The following TREML2 variants were observed in gnomAD, a reference collection of about 807,000 sequenced individuals.
The protein encoded by TREML2 is triggering receptor expressed on myeloid cells like 2.
In TREML2, 24 loss-of-function variants were observed where a neutral mutation model predicts 25.9. The observed-to-expected ratio is 0.93, with a 90% CI of 0.67 to 1.30. The LOEUF is 1.30. TREML2 is among the 50% of genes most tolerant of loss of function. The pLI is 0.00. For missense variants in TREML2, 359 were observed against 395.6 expected, an observed-to-expected ratio of 0.91 and a Z score of 0.78; for synonymous variants, 139 against 155.2, an observed-to-expected ratio of 0.90 and a Z score of 0.77.
chr6:41,196,409 G>T (rs1274231363), intron 2 of TREML2, among the ~76,000 whole-genome samples: 2 of 152,154 alleles, frequency 1.3e-5, no homozygotes, highest in Non-Finnish European at 2.9e-5. Flanking sequence ...ATAACTGGCT[G>T]CCTTTTCCGG....
intron 1 of TREML2, among the ~76,000 whole-genome samples, chr6:41,198,709 G>A (rs1221505310): frequency 6.6e-6 from 1 of 152,184 alleles, no homozygotes; most frequent in East Asian, 1.9e-4. Flanking sequence ...ATATCCCTCA[G>A]TGAGTCCCCA....
chr6:41,192,737 A>G (rs761600074), intron 4 of TREML2, 64 bp downstream of exon 4: 20 of 1,468,228 alleles, frequency 1.4e-5, no homozygotes, highest in Non-Finnish European at 1.7e-5. Context: ...ACTCGAGGTC[A>G]TAACCCTTAG....
At position 41,201,081 on chromosome 6, in the gene TREML2, C is replaced by T. The variant is rs780383312; in HGVS notation, c.-73G>A. Reference sequence around the variant, plus strand: ...GCCCACCCGACACAGGATGTGCCACCTGGGCCTGCCAGGGAAGGACCCGGG... The same window carrying T: ...GCCCACCCGACACAGGATGTGCCACTTGGGCCTGCCAGGGAAGGACCCGGG... On this transcript the variant is annotated 5_prime_UTR_variant, in exon 1 of 5. Coordinates refer to ENST00000483722, the MANE Select transcript of TREML2 (RefSeq NM_024807.4). 11 of 1,570,746 alleles carry T rather than the reference C, an allele frequency of 7.0e-6. No individual in the cohort carries two copies. In the African/African-American group the frequency reaches 1.5e-4, roughly 21 times the overall value.
chr6:41,193,494 C>G (rs976736212), intron 3 of TREML2, among the ~76,000 whole-genome samples: 1 of 152,030 alleles, frequency 6.6e-6, no homozygotes, highest in Admixed American at 6.6e-5. Flanking sequence ...TCTGACTCTC[C>G]CCGTTGGGAT....
In TREML2 at chr6:41,190,735, C is replaced by A. The variant is rs1218870874; in HGVS notation, c.*1692G>T. 6 of 152,174 alleles carry A rather than the reference C, an allele frequency of 3.9e-5. No homozygotes were observed. Among genetic ancestry groups the A allele is most frequent in the Admixed American group, 3.9e-4 (6 of 15,276 alleles). The allele number at this position is 152,174 out of a possible 1,614,324, so 9.4% of individuals were successfully genotyped here. On this transcript the variant is annotated 3_prime_UTR_variant, in exon 5 of 5. Transcript: ENST00000483722. ...GTGCCAGCTCTTGGGGAGCTATTTT[C>A]CCCCAGGTGGGTTAAGTTCTCTCCT...
chr6:41,200,552 G>A (rs966768829), intron 1 of TREML2, among the ~76,000 whole-genome samples: 3 of 152,252 alleles, frequency 2.0e-5, no homozygotes, highest in Admixed American at 1.3e-4. Flanking sequence ...GGGACAGGAT[G>A]TGGCATCAGC....
chr6:41,196,010 G>A (rs759295203), intron 2 of TREML2, among the ~76,000 whole-genome samples: 121 of 152,248 alleles, frequency 7.9e-4, no homozygotes, highest in Non-Finnish European at 1.4e-3. Context: ...TGGTCTTCAG[G>A]GGGCAGTGGA....
At chr6:41,196,190 G>A (rs899749932) in intron 2 of TREML2, among the ~76,000 whole-genome samples, 5 of 152,172 alleles carry the variant, frequency 3.3e-5, no homozygotes, top group African/African-American at 1.2e-4. Context: ...AAAAATAAAA[G>A]CATATAATGT....
intron 1 of TREML2, among the ~76,000 whole-genome samples, chr6:41,199,823 G>T (rs567987263): frequency 2.0e-5 from 3 of 152,194 alleles, no homozygotes; most frequent in Non-Finnish European, 2.9e-5. Context: ...GTGTGATTAG[G>T]TCACCTGTTT....
At position 41,201,085 on chromosome 6, in the gene TREML2, G is replaced by T; in HGVS notation, c.-77C>A. 6.4e-7 allele frequency: 1 copy of T among 1,555,474 alleles called. No homozygotes were observed. The highest frequency in any genetic ancestry group is 1.1e-5 in the South Asian group (1 of 89,620). On this transcript the variant is annotated 5_prime_UTR_variant, in exon 1 of 5. Transcript: ENST00000483722. ...ACCCGACACAGGATGTGCCACCTGG[G>T]CCTGCCAGGGAAGGACCCGGGGTTC...
At chr6:41,200,417 C>A (rs1042874863) in intron 1 of TREML2, among the ~76,000 whole-genome samples, 5 of 152,110 alleles carry the variant, frequency 3.3e-5, no homozygotes, top group African/African-American at 9.7e-5. Context: ...CAGAACTGAA[C>A]AGGAAGTGGT....
rs11271583 is a variant in TREML2 at position 41,190,851 on chromosome 6, GTGTCTGTCTGTC to G, written c.*1564_*1575del. The G allele has an allele frequency of 0.3, 44,810 of 151,266 alleles. 6,957 individuals are homozygous for G. The highest frequency in any genetic ancestry group is 0.37 in the Admixed American group (5,626 of 15,208). The allele number at this position is 151,266 out of a possible 1,614,324, so 9.4% of individuals were successfully genotyped here. A position where few individuals can be genotyped will look rare whatever the true frequency, so the allele number is the denominator to read the frequency against. ...GCTAGACAGAGATGGGTGTGTGTGC[GTGTCTGTCTGTC>G]TGTCTGTCTGTCTGTCTGTCTGTCT... On this transcript the variant is annotated 3_prime_UTR_variant, in exon 5 of 5. Coordinates refer to ENST00000483722, the MANE Select transcript of TREML2 (RefSeq NM_024807.4).
intron 1 of TREML2, among the ~76,000 whole-genome samples, chr6:41,198,845 T>TTTTTGTTTTG (rs140165117): frequency 8.6e-5 from 13 of 150,682 alleles, no homozygotes; most frequent in South Asian, 2.1e-4. Context: ...AGGGAATTCA[T>TTTTTGTTTTG]TTTTGTTTTG....
At chr6:41,196,972 C>T (rs1055240255) in intron 2 of TREML2, among the ~76,000 whole-genome samples, 12 of 152,220 alleles carry the variant, frequency 7.9e-5, no homozygotes. Flanking sequence ...TTACCCTACG[C>T]TATCAATGGT....
chr6:41,192,417 T>C lies in TREML2; in HGVS notation c.*10A>G. ...CTGGGAGAAGCTCCCCACCCCATGC[T>C]TAAGTGGCCTCAGATCAAGTAGACT... On this transcript the variant is annotated 3_prime_UTR_variant, in exon 5 of 5. Transcript: ENST00000483722. The C allele has an allele frequency of 6.2e-7, 1 of 1,612,890 alleles. No individual in the cohort carries two copies. The highest frequency in any genetic ancestry group is 8.5e-7 in the Non-Finnish European group (1 of 1,179,156).
chr6:41,198,363 C>G lies in TREML2; in HGVS notation c.122G>C (p.Cys41Ser). 1 of 1,614,236 alleles carries G rather than the reference C, an allele frequency of 6.2e-7. No individual in the cohort carries two copies. Among genetic ancestry groups the G allele is most frequent in the Non-Finnish European group, 8.5e-7 (1 of 1,180,032 alleles). The change falls in exon 2 of 5, where the codon TGC becomes TCC. Residue 41 changes from cysteine (C) to serine (S), a missense_variant. Cys to Ser is a moderately radical substitution (Grantham distance 112). Coordinates refer to ENST00000483722, the MANE Select transcript of TREML2 (RefSeq NM_024807.4). Reference sequence around the variant, plus strand: ...GCGGTTTTTGTAGCCCTTATAGGAGCACTGCACAGACAGAGTCTCCCCTTC... The same window carrying G: ...GCGGTTTTTGTAGCCCTTATAGGAGGACTGCACAGACAGAGTCTCCCCTTC... ...LLEGETLSVQ[C>S]SYKGYKNRVE...
chr6:41,201,080 C>T lies in TREML2; in HGVS notation c.-72G>A. On this transcript the variant is annotated 5_prime_UTR_variant, in exon 1 of 5. It adds an upstream start codon to the 5' untranslated region. Coordinates refer to ENST00000483722, the MANE Select transcript of TREML2 (RefSeq NM_024807.4). ...GGCCCACCCGACACAGGATGTGCCA[C>T]CTGGGCCTGCCAGGGAAGGACCCGG... is the stretch of plus-strand genomic sequence containing the variant. 6.4e-7 allele frequency: 1 copy of T among 1,566,382 alleles called. No homozygotes were observed.
chr6:41,199,214 T>A (rs1766233657), intron 1 of TREML2, among the ~76,000 whole-genome samples: 1 of 152,194 alleles, frequency 6.6e-6, no homozygotes, highest in African/African-American at 2.4e-5. Context: ...GTGAGACAGA[T>A]GCAGAGACAC....
chr6:41,196,010 G>T (rs759295203), intron 2 of TREML2, among the ~76,000 whole-genome samples: 14 of 152,130 alleles, frequency 9.2e-5, no homozygotes, highest in Non-Finnish European at 1.6e-4. Flanking sequence ...TGGTCTTCAG[G>T]GGGCAGTGGA....
Sources: gnomAD v4.1 joint callset for allele counts (sites outside exome capture counted in the v4.1 genomes callset) on GRCh38, gnomAD v4.1.1 for gene constraint, MANE v1.5 for transcripts, NCBI Gene and HGNC (gene_info 2026-07-23, HGNC 2026-07-21) for gene names.